MBNL1: variants seen among roughly 807,000 people sequenced by gnomAD.
MBNL1 encodes the protein muscleblind like splicing regulator 1.
Under a neutral mutation model 42.2 loss-of-function variants are expected in MBNL1, and 8 were observed. The observed-to-expected ratio is 0.19, with a 90% CI of 0.11 to 0.34. The LOEUF is 0.34. Ranked by LOEUF, MBNL1 falls within the 10% of genes least tolerant of loss-of-function variation. The pLI is 1.00. For missense variants in MBNL1, 309 were observed against 495.3 expected, an observed-to-expected ratio of 0.62 and a Z score of 3.57; for synonymous variants, 169 against 173.9, an observed-to-expected ratio of 0.97 and a Z score of 0.22.
rs1019668207 is a variant in MBNL1, at chr3:152,463,923, TGAGA to T, written c.*1562_*1565del. The T allele has an allele frequency of 1.7e-4, 26 of 152,488 alleles. No homozygotes were observed. Among genetic ancestry groups the T allele is most frequent in the African/African-American group, 5.8e-4 (24 of 41,414 alleles). 9.4% of individuals were successfully genotyped at this position (152,488 alleles called of 1,614,324 possible). The stretch of plus-strand genomic sequence containing the variant: ...CAAGTTTACTGCAAGTTTTTATGCT[TGAGA>T]GAGATGCTTTCTAATATAAGACTGA... On this transcript the variant is annotated 3_prime_UTR_variant, in exon 10 of 10. Coordinates refer to ENST00000324210, the MANE Select transcript of MBNL1 (RefSeq NM_021038.5).
intron 2 of MBNL1, among the ~76,000 whole-genome samples, chr3:152,253,774 T>C (rs944766662): frequency 2.0e-4 from 31 of 152,130 alleles, no homozygotes; most frequent in African/African-American, 7.2e-4. Context: ...TTCTTCTTTA[T>C]TTGGGTCTCT....
intron 2 of MBNL1, among the ~76,000 whole-genome samples, chr3:152,256,619 A>G (rs756501726): frequency 6.6e-6 from 1 of 152,152 alleles, no homozygotes; most frequent in Non-Finnish European, 1.5e-5. Context: ...GAATCATATC[A>G]CTACATTTTA....
intron 4 of MBNL1, among the ~76,000 whole-genome samples, chr3:152,436,143 T>C (rs1222819997): frequency 6.6e-6 from 1 of 152,214 alleles, no homozygotes; most frequent in Non-Finnish European, 1.5e-5. Flanking sequence ...TTTGTCAGTT[T>C]AGCAGGAATT....
chr3:152,278,384 A>G (rs1051298400), intron 1 of MBNL1, among the ~76,000 whole-genome samples: 2 of 152,156 alleles, frequency 1.3e-5, no homozygotes, highest in Non-Finnish European at 2.9e-5. Context: ...TCTTTGATCC[A>G]GGAGTAGTCT....
intron 2 of MBNL1, among the ~76,000 whole-genome samples, chr3:152,378,846 A>G (rs1276734301): frequency 1.3e-5 from 2 of 152,156 alleles, no homozygotes; most frequent in African/African-American, 4.8e-5. Context: ...GCTCTCAAGT[A>G]CCTGCAACTA....
chr3:152,324,280 A>G (rs2078170585), intron 2 of MBNL1, among the ~76,000 whole-genome samples: 1 of 152,178 alleles, frequency 6.6e-6, no homozygotes, highest in African/African-American at 2.4e-5. Flanking sequence ...GAGTTTATTA[A>G]TTTCAAATAT....
intron 2 of MBNL1, among the ~76,000 whole-genome samples, chr3:152,351,947 C>T (rs1390199841): frequency 6.6e-6 from 1 of 152,130 alleles, no homozygotes; most frequent in Non-Finnish European, 1.5e-5. Context: ...TATACTTGGT[C>T]TCTACTAATC....
chr3:152,344,865 C>T (rs1389160870), intron 2 of MBNL1, among the ~76,000 whole-genome samples: 3 of 152,010 alleles, frequency 2.0e-5, no homozygotes, highest in Non-Finnish European at 4.4e-5. Flanking sequence ...TCTCTGTATA[C>T]ACAAATGTCC....
chr3:152,277,893 A>G (rs1365592311), intron 1 of MBNL1, among the ~76,000 whole-genome samples: 1 of 152,080 alleles, frequency 6.6e-6, no homozygotes, highest in Non-Finnish European at 1.5e-5. Flanking sequence ...CAGAAATTAC[A>G]CTATTTATGT....
At chr3:152,415,482 A>G (rs975250207) in intron 3 of MBNL1, among the ~76,000 whole-genome samples, 13 of 152,240 alleles carry the variant, frequency 8.5e-5, no homozygotes, top group Non-Finnish European at 1.8e-4. Flanking sequence ...TAAAATTGGT[A>G]TGTATAGTCT....
chr3:152,340,499 A>G (rs1249596272), intron 2 of MBNL1: 28 of 1,558,584 alleles, frequency 1.8e-5, no homozygotes, highest in Non-Finnish European at 2.2e-5. Flanking sequence ...CTCAGAGTAT[A>G]TTAAAAATAG....
At chr3:152,344,282 C>T (rs892735673) in intron 2 of MBNL1, among the ~76,000 whole-genome samples, 3 of 152,002 alleles carry the variant, frequency 2.0e-5, no homozygotes, top group Admixed American at 6.6e-5. Context: ...TACTTTTTTT[C>T]GGACTATAAC....
chr3:152,337,664 A>T (rs997247941), intron 2 of MBNL1, among the ~76,000 whole-genome samples: 2 of 151,382 alleles, frequency 1.3e-5, no homozygotes, highest in African/African-American at 2.4e-5. Flanking sequence ...CAACTAACTA[A>T]ATTAGTTATA....
chr3:152,340,896 C>T, intron 2 of MBNL1: 1 of 1,609,680 alleles, frequency 6.2e-7, no homozygotes, highest in Non-Finnish European at 8.5e-7. Flanking sequence ...GGCCAGGGTC[C>T]ATCTGCATTG....
At chr3:152,304,505 T>A (rs1437331410) in intron 2 of MBNL1, among the ~76,000 whole-genome samples, 4 of 152,224 alleles carry the variant, frequency 2.6e-5, no homozygotes, top group African/African-American at 7.2e-5. Context: ...ACCAGGAAGT[T>A]TTTTTGTGGT....
chr3:152,249,381 T>G (rs1342616102), intron 2 of MBNL1, among the ~76,000 whole-genome samples: 2 of 136,360 alleles, frequency 1.5e-5, no homozygotes, highest in East Asian at 4.2e-4. Context: ...ATGATGAGCA[T>G]TTTTTCATGT....
intron 1 of MBNL1, among the ~76,000 whole-genome samples, chr3:152,297,600 T>C (rs985048074): frequency 6.6e-6 from 1 of 152,068 alleles, no homozygotes; most frequent in African/African-American, 2.4e-5. Context: ...GTGATCTGCC[T>C]GCCTCGGCCT....
intron 1 of MBNL1, among the ~76,000 whole-genome samples, chr3:152,275,548 A>C (rs1002424693): frequency 1.3e-5 from 2 of 151,932 alleles, no homozygotes; most frequent in Admixed American, 6.6e-5. Flanking sequence ...GTCTCTACTA[A>C]AATACAAAAA....
At chr3:152,328,038 T>C (rs977772523) in intron 2 of MBNL1, among the ~76,000 whole-genome samples, 3 of 152,184 alleles carry the variant, frequency 2.0e-5, no homozygotes, top group South Asian at 2.1e-4. Context: ...AAGTAAATTA[T>C]AAGATCCTGT....
Sources: gnomAD v4.1 joint callset for allele counts (sites outside exome capture counted in the v4.1 genomes callset) on GRCh38, gnomAD v4.1.1 for gene constraint, MANE v1.5 for transcripts, NCBI Gene and HGNC (gene_info 2026-07-23, HGNC 2026-07-21) for gene names.